Variants in PTCD3 observed in about 807,000 individuals in gnomAD.
PTCD3 encodes the protein small ribosomal subunit protein mS39.
PTCD3 carries 89 observed loss-of-function variants against 101.9 expected under a neutral mutation model. The observed-to-expected ratio is 0.87, with a 90% CI of 0.74 to 1.04. PTCD3 has a LOEUF of 1.04. PTCD3 is among the 50% of genes least tolerant of loss of function. The pLI, the probability that PTCD3 is intolerant of heterozygous loss-of-function variation, is 0.00. For missense variants in PTCD3, 870 were observed against 828.2 expected (o/e 1.05, Z -0.62); for synonymous variants, 296 against 278.5 (o/e 1.06, Z -0.63).
chr2:86,109,210 C>G (rs569684687), intron 3 of PTCD3, among the ~76,000 whole-genome samples: 1 of 152,256 alleles, frequency 6.6e-6, no homozygotes, highest in East Asian at 1.9e-4. Context: ...TTGAGACCAT[C>G]CTGGCTAACA....
rs780936084 is a variant in PTCD3, at chr2:86,111,015, A to G, written c.195-98A>G. 29 of 1,072,446 alleles carry G rather than the reference A, an allele frequency of 2.7e-5. No individual in the cohort carries two copies. The South Asian group carries it at 3.5e-4, about 13-fold the overall frequency. The allele number at this position is 1,072,446 out of a possible 1,614,324, so 66.4% of individuals were successfully genotyped here. A position where few individuals can be genotyped will look rare whatever the true frequency, so the allele number is the denominator to read the frequency against. ...ATAACCAGCTTCAGATGAGATCTGC[A>G]CTATGTTATTGGCCAGTACACTGAG... On this transcript the variant is annotated intron_variant, in intron 3 of 23. Coordinates refer to ENST00000254630, the MANE Select transcript of PTCD3 (RefSeq NM_017952.6).
At chr2:86,119,461 A>G (rs966404964) in intron 7 of PTCD3, 2 of 169,928 alleles carry the variant, frequency 1.2e-5, no homozygotes, top group Non-Finnish European at 2.5e-5. Context: ...GGTTCATGCC[A>G]TTCTCCCTCC....
intron 14 of PTCD3, among the ~76,000 whole-genome samples, chr2:86,129,554 A>G (rs760748727): frequency 6.6e-6 from 1 of 152,086 alleles, no homozygotes; most frequent in Non-Finnish European, 1.5e-5. Flanking sequence ...AGGCAGGAGG[A>G]TTGCTTGTGG....
At chr2:86,126,594 T>G (rs1006495786) in intron 12 of PTCD3, among the ~76,000 whole-genome samples, 3 of 152,070 alleles carry the variant, frequency 2.0e-5, no homozygotes, top group African/African-American at 7.2e-5. Flanking sequence ...CCCAGCACTT[T>G]GAGGCTGAGG....
intron 20 of PTCD3, among the ~76,000 whole-genome samples, chr2:86,134,611 T>A (rs1239497470): frequency 1.3e-5 from 2 of 152,224 alleles, no homozygotes; most frequent in African/African-American, 4.8e-5. Context: ...CTTGCTTTTT[T>A]AAAAATCTCC....
At chr2:86,126,605 C>T (rs72936310) in intron 12 of PTCD3, among the ~76,000 whole-genome samples, 10,176 of 152,064 alleles carry the variant, frequency 0.067, 1,140 homozygotes, top group African/African-American at 0.23. Context: ...GAGGCTGAGG[C>T]GGGTGGATTA....
chr2:86,106,273 G>A lies in PTCD3; in HGVS notation c.26G>A (p.Trp9Ter). 6.2e-7 allele frequency: 1 copy of A among 1,613,960 alleles called. No individual in the cohort carries two copies. The highest frequency in any genetic ancestry group is 8.5e-7 in the Non-Finnish European group (1 of 1,179,996). Reference sequence around the variant, plus strand: ...ATGGCGGTTGTATCTGCTGTTCGCTGGCTGGGCCTCCGCAGCAGGCTTGGC... The same window carrying A: ...ATGGCGGTTGTATCTGCTGTTCGCTAGCTGGGCCTCCGCAGCAGGCTTGGC... Reference protein sequence around the residue: MAVVSAVRWLGLRSRLGQP... With the variant: MAVVSAVR Residue 9 changes from tryptophan (W) to a stop codon, truncating the protein, a stop_gained, in exon 1 of 24, where the codon TGG (tryptophan) becomes TAG (stop). Coordinates refer to ENST00000254630, the MANE Select transcript of PTCD3 (RefSeq NM_017952.6). LOFTEE classifies it high-confidence loss of function.
rs1373238337 is a variant in PTCD3, at chr2:86,139,218, C to A, written c.*1659C>A. ...TCTACTATGAGTAAAATGTTCTCTT[C>A]GGCCGGGTGTGGTGACTCACACCTG... On this transcript the variant is annotated 3_prime_UTR_variant, in exon 24 of 24. Coordinates refer to ENST00000254630, the MANE Select transcript of PTCD3 (RefSeq NM_017952.6). 6.6e-6 allele frequency: 1 copy of A among 152,084 alleles called. No homozygotes were observed. Among genetic ancestry groups the A allele is most frequent in the African/African-American group, 2.4e-5 (1 of 41,404 alleles). 9.4% of individuals were successfully genotyped at this position (152,084 alleles called of 1,614,324 possible).
At chr2:86,106,979 T>C (rs1166011523) in intron 1 of PTCD3, 3 of 368,128 alleles carry the variant, frequency 8.1e-6, no homozygotes, top group Non-Finnish European at 1.7e-5. Flanking sequence ...GGTTTAGTGT[T>C]TGCCATTCAC....
rs1409505218 is a variant in PTCD3 at position 86,134,995 on chromosome 2, C to T, written c.1778+8C>T. 2 of 1,613,276 alleles carry T rather than the reference C, an allele frequency of 1.2e-6. No individual in the cohort carries two copies. Among genetic ancestry groups the T allele is most frequent in the East Asian group, 2.2e-5 (1 of 44,872 alleles). ...GAGAACTCAGGAAGCCTGGTGAGTA[C>T]AGTACCACAAGTATACACTTTAGAA... On this transcript the variant is annotated splice_region_variant and intron_variant, in intron 21 of 23. Coordinates refer to ENST00000254630, the MANE Select transcript of PTCD3 (RefSeq NM_017952.6).
chr2:86,137,627 A>G lies in PTCD3; in HGVS notation c.*68A>G. On this transcript the variant is annotated 3_prime_UTR_variant, in exon 24 of 24. Coordinates refer to ENST00000254630, the MANE Select transcript of PTCD3 (RefSeq NM_017952.6). ...TGGAATCACACCTGAGAACTGAGATATACCAATATTTAACATTGTTACAAA... is the reference window on the plus strand; with the variant it reads ...TGGAATCACACCTGAGAACTGAGATGTACCAATATTTAACATTGTTACAAA... 1 of 1,598,000 alleles carries G rather than the reference A, an allele frequency of 6.3e-7. No individual in the cohort carries two copies. The highest frequency in any genetic ancestry group is 8.5e-7 in the Non-Finnish European group (1 of 1,172,372).
intron 20 of PTCD3, 32 bp downstream of exon 20, chr2:86,134,409 T>C (rs775202920): frequency 6.5e-7 from 1 of 1,537,606 alleles, no homozygotes; most frequent in South Asian, 1.1e-5. Context: ...CAGTATATCC[T>C]CCCATACTGA....
intron 8 of PTCD3, among the ~76,000 whole-genome samples, chr2:86,122,433 A>G (rs964142570): frequency 6.6e-6 from 1 of 152,110 alleles, no homozygotes; most frequent in Non-Finnish European, 1.5e-5. Context: ...CCCCTCAGAG[A>G]CAGGGTCTCA....
chr2:86,133,229 G>A lies in PTCD3; in HGVS notation c.1425G>A (p.Leu475=), dbSNP rs1490462611. ...TAATGGAACAAATTGATGTTACCTTGAAGTGGTATGAGGACCTGATACCTT... is the reference window on the plus strand; with the variant it reads ...TAATGGAACAAATTGATGTTACCTTAAAGTGGTATGAGGACCTGATACCTT... ...ICLMEQIDVT[L]KWYEDLIPSA... is the part of the protein sequence containing the mutation. The change falls in exon 18 of 24, where the codon TTG becomes TTA. Residue 475 remains leucine, a synonymous_variant. Coordinates refer to ENST00000254630, the MANE Select transcript of PTCD3 (RefSeq NM_017952.6). 8 of 1,614,052 alleles carry A rather than the reference G, an allele frequency of 5.0e-6. No individual in the cohort carries two copies. The highest frequency in any genetic ancestry group is 6.8e-6 in the Non-Finnish European group (8 of 1,180,016).
intron 7 of PTCD3, among the ~76,000 whole-genome samples, chr2:86,121,196 A>G (rs539136901): frequency 2.4e-4 from 36 of 152,266 alleles, no homozygotes; most frequent in African/African-American, 7.9e-4. Flanking sequence ...AAAACCATGA[A>G]GTAGTTTGAG....
At chr2:86,127,712 ATG>A in intron 13 of PTCD3, 1 of 544,924 alleles carries the variant, frequency 1.8e-6, no homozygotes, top group Non-Finnish European at 3.2e-6. Context: ...TCAGTGAAGA[ATG>A]TGACTAATAA....
intron 9 of PTCD3, among the ~76,000 whole-genome samples, chr2:86,124,648 G>A (rs1297579773): frequency 6.6e-6 from 1 of 152,184 alleles, no homozygotes; most frequent in Non-Finnish European, 1.5e-5. Context: ...CTGGGAAGTA[G>A]TATCTGAAGA....
At position 86,137,508 on chromosome 2, in the gene PTCD3, T is replaced by C. The variant is rs566454987; in HGVS notation, c.2019T>C (p.Ser673=). ...LSNLTALTSD[S]DTDSSSDSDS... ...ATCTAACTGCATTGACCAGTGACAGTGATACTGACAGCAGCAGTGACAGCG... is the reference window on the plus strand; with the variant it reads ...ATCTAACTGCATTGACCAGTGACAGCGATACTGACAGCAGCAGTGACAGCG... Residue 673 remains serine (S), a synonymous_variant, in exon 24 of 24, where the codon AGT becomes AGC. Transcript: ENST00000254630. The C allele has an allele frequency of 1.9e-6, 3 of 1,613,060 alleles. No homozygotes were observed. In the East Asian group the frequency reaches 6.7e-5, roughly 36 times the overall value.
rs1216731119 is a variant in PTCD3, at chr2:86,106,310, G to C, written c.63G>C (p.Thr21=). 3 of 1,613,928 alleles carry C rather than the reference G, an allele frequency of 1.9e-6. No homozygotes were observed. Among genetic ancestry groups the C allele is most frequent in the Non-Finnish European group, 2.5e-6 (3 of 1,180,012 alleles). ...GLRSRLGQPL[T]GRRAGLCEQA... ...GCAGCAGGCTTGGCCAGCCGCTGAC[G>C]GGTCGGCGGGCGGGTTTGTGTGAAC... The change falls in exon 1 of 24, where the codon ACG becomes ACC. Residue 21 remains threonine (T), a synonymous_variant. Transcript: ENST00000254630.
Sources: allele counts gnomAD v4.1 joint callset (sites outside exome capture counted in the v4.1 genomes callset), GRCh38; gene constraint gnomAD v4.1.1; transcripts MANE v1.5; gene names NCBI Gene and HGNC (gene_info 2026-07-23, HGNC 2026-07-21).